SH3RF2: variants seen among roughly 807,000 people sequenced by gnomAD.
SH3RF2 encodes the protein SH3 domain containing ring finger 2.
A neutral mutation model predicts 59.0 loss-of-function variants in SH3RF2; 43 were observed. The observed-to-expected ratio is 0.73, with a 90% CI of 0.57 to 0.94. SH3RF2 has a LOEUF of 0.94. SH3RF2 is among the 40% of genes least tolerant of loss of function. SH3RF2 has a pLI of 0.00. For synonymous variants in SH3RF2, 391 were observed against 391.5 expected, an observed-to-expected ratio of 1.00 and a Z score of 0.01; for missense variants, 930 against 940.1, an observed-to-expected ratio of 0.99 and a Z score of 0.14.
intron 2 of SH3RF2, among the ~76,000 whole-genome samples, chr5:145,985,745 G>T (rs777440737): frequency 4.6e-5 from 7 of 152,128 alleles, no homozygotes; most frequent in Non-Finnish European, 8.8e-5. Flanking sequence ...TGGTACAGTG[G>T]CTCATGCCTA....
At chr5:146,000,442 A>G in intron 3 of SH3RF2, 115 bp downstream of exon 3, 1 of 797,146 alleles carries the variant, frequency 1.3e-6, no homozygotes, top group Non-Finnish European at 1.7e-6. Flanking sequence ...AATATATTAT[A>G]TTATTGTTAA....
rs763543966 is a variant in SH3RF2 at position 145,938,144 on chromosome 5, T to C, written c.216T>C (p.Leu72=). The C allele has an allele frequency of 1.9e-6, 3 of 1,614,176 alleles. No homozygotes were observed. The South Asian group carries it at 3.3e-5, about 18-fold the overall frequency. The change falls in exon 2 of 10, where the codon CTT becomes CTC. Residue 72 remains leucine, a synonymous_variant. Transcript: ENST00000359120. The part of the protein sequence containing the change: ...ALPANLLLVR[L]LDGVRSGQSS... ...CGGCCAACCTGCTGCTCGTGCGCCT[T>C]CTGGATGGAGTGCGCTCAGGGCAGA...
chr5:146,048,225 G>A (rs1489561432), intron 6 of SH3RF2, among the ~76,000 whole-genome samples: 1 of 152,056 alleles, frequency 6.6e-6, no homozygotes. Context: ...TGAGGCAGGA[G>A]GATGGGTTGA....
chr5:146,067,166 G>A (rs747915595), downstream of SH3RF2, among the ~76,000 whole-genome samples: 8 of 152,002 alleles, frequency 5.3e-5, no homozygotes, highest in Non-Finnish European at 8.8e-5. Flanking sequence ...TTAAAGCAGC[G>A]CCCCTACCTG....
rs565419079 is a variant in SH3RF2, at chr5:146,013,295, G to A, written c.745-452G>A. On this transcript the variant is annotated intron_variant, in intron 4 of 9. Transcript: ENST00000359120. ...GGCAAGTAAAGGATTGCAGTTTGGAGTGGAAAAATACAATGATTGGGAAGC... is the reference window on the plus strand; with the variant it reads ...GGCAAGTAAAGGATTGCAGTTTGGAATGGAAAAATACAATGATTGGGAAGC... Among the ~76,000 whole-genome samples the A allele has an allele frequency of 2.4e-4, 37 of 152,178 alleles. 1 individual carries two copies. The highest frequency in any genetic ancestry group is 9.8e-4 in the Admixed American group (15 of 15,276).
chr5:146,060,177 C>T lies in SH3RF2; in HGVS notation c.1867C>T (p.Pro623Ser). The change falls in exon 9 of 10, where the codon CCA (proline) becomes TCA (serine). Residue 623 changes from proline to serine, a missense_variant. Coordinates refer to ENST00000359120, the MANE Select transcript of SH3RF2 (RefSeq NM_152550.4). The part of the protein sequence containing the change: ...PLPKPPASAP[P>S]SILVKPENSR... Reference sequence around the variant, plus strand: ...GCCAAAACCGCCCGCATCTGCCCCACCATCCATCCTGGTGAAACCAGAAAA... The same window carrying T: ...GCCAAAACCGCCCGCATCTGCCCCATCATCCATCCTGGTGAAACCAGAAAA... 1.2e-6 allele frequency: 2 copies of T among 1,613,652 alleles called. No homozygotes were observed. The highest frequency in any genetic ancestry group is 1.7e-6 in the Non-Finnish European group (2 of 1,179,760).
At chr5:145,989,671 T>C (rs1469367196) in intron 2 of SH3RF2, among the ~76,000 whole-genome samples, 1 of 152,210 alleles carries the variant, frequency 6.6e-6, no homozygotes, top group Non-Finnish European at 1.5e-5. Context: ...GCTCAGCATA[T>C]TGATGTTGGT....
chr5:145,971,377 G>C (rs1254677739), intron 2 of SH3RF2, among the ~76,000 whole-genome samples: 1 of 152,176 alleles, frequency 6.6e-6, no homozygotes, highest in Non-Finnish European at 1.5e-5. Context: ...AGCTAGTTGA[G>C]GAAAAAAGAG....
rs112808459 is a variant in SH3RF2, at chr5:146,074,407, C to G, written c.*34-4053C>G. The stretch of plus-strand genomic sequence containing the variant: ...ACTGGAGTTATTACAAGCGGAGAGG[C>G]AAATTACCGCCCTTTTCTCCACCGC... On this transcript the variant is annotated intron_variant, in intron 9 of 9. Coordinates refer to the SH3RF2 transcript ENST00000511217. Among the ~76,000 whole-genome samples the G allele has an allele frequency of 1.9e-4, 29 of 152,146 alleles. 1 individual carries two copies. Among genetic ancestry groups the G allele is most frequent in the African/African-American group, 6.5e-4 (27 of 41,504 alleles).
At chr5:146,035,512 C>G (rs1320410425) in intron 5 of SH3RF2, among the ~76,000 whole-genome samples, 1 of 151,866 alleles carries the variant, frequency 6.6e-6, no homozygotes, top group Non-Finnish European at 1.5e-5. Context: ...AATAACTTGC[C>G]CAGGGTTACA....
chr5:145,937,789 ATT>A, intron 1 of SH3RF2, 32 bp from the exon 2 acceptor site: 1 of 962,922 alleles, frequency 1.0e-6, no homozygotes, highest in Non-Finnish European at 1.5e-6. Context: ...GAGCAGTCAC[ATT>A]TTTTTTTCTC....
chr5:146,044,583 GTTCT>G (rs1219570617), intron 5 of SH3RF2, among the ~76,000 whole-genome samples: 2 of 152,046 alleles, frequency 1.3e-5, no homozygotes, highest in East Asian at 1.9e-4. Context: ...TTTTTATTGG[GTTCT>G]TTGTCTTCTT....
downstream of SH3RF2, among the ~76,000 whole-genome samples, chr5:146,067,918 T>A (rs981530345): frequency 6.6e-6 from 1 of 152,156 alleles, no homozygotes; most frequent in African/African-American, 2.4e-5. Context: ...GCCTATGCCA[T>A]CCTGGTTGCT....
At chr5:145,937,781 GCA>G in intron 1 of SH3RF2, 40 bp from the exon 2 acceptor site, 1 of 881,570 alleles carries the variant, frequency 1.1e-6, no homozygotes, top group Admixed American at 2.3e-5. Flanking sequence ...ACCTCTCGGA[GCA>G]GTCACATTTT....
chr5:145,946,444 G>T (rs1177747433), intron 2 of SH3RF2, among the ~76,000 whole-genome samples: 1 of 152,040 alleles, frequency 6.6e-6, no homozygotes, highest in Admixed American at 6.6e-5. Context: ...GACCTCATGG[G>T]ATCATGAAAT....
intron 2 of SH3RF2, among the ~76,000 whole-genome samples, chr5:145,959,476 G>A (rs1251641291): frequency 1.3e-5 from 2 of 151,952 alleles, no homozygotes; most frequent in African/African-American, 4.8e-5. Flanking sequence ...GATAGCTCTG[G>A]CAGATTCACC....
downstream of SH3RF2, among the ~76,000 whole-genome samples, chr5:146,064,803 GGAAGGAAAGAAAGAAAGAAA>G (rs1763048819): frequency 4.8e-5 from 1 of 20,812 alleles, no homozygotes; most frequent in African/African-American, 1.6e-4. Context: ...AAGGAAGGAA[GGAAGGAAAGAAAGAAAGAAA>G]GAAAGAAAGA....
rs756463670 is a variant in SH3RF2, at chr5:146,004,120, T to A, written c.711T>A (p.Asp237Glu). Residue 237 changes from aspartate (D) to glutamate (E), a missense_variant, in exon 4 of 10, where the codon GAT becomes GAA. Transcript: ENST00000359120. ...ACTGGGCAGAAGGCAAGTTAGGAGA[T>A]AAAGTAGGCATCTTCCCTATCTTGT... ...DENWAEGKLG[D>E]KVGIFPILFV... is the part of the protein sequence containing the mutation. 6.2e-7 allele frequency: 1 copy of A among 1,613,078 alleles called. No individual in the cohort carries two copies. Among genetic ancestry groups the A allele is most frequent in the East Asian group, 2.2e-5 (1 of 44,848 alleles).
intron 2 of SH3RF2, among the ~76,000 whole-genome samples, chr5:145,944,289 G>C (rs1012668951): frequency 4.6e-5 from 7 of 150,632 alleles, no homozygotes; most frequent in Admixed American, 1.3e-4. Context: ...AAACTCTTCT[G>C]GTCCCAAGGG....
Sources: gnomAD v4.1 joint callset for allele counts (sites outside exome capture counted in the v4.1 genomes callset) on GRCh38, gnomAD v4.1.1 for gene constraint, MANE v1.5 for transcripts, NCBI Gene and HGNC (gene_info 2026-07-23, HGNC 2026-07-21) for gene names.